The following NFIA variants were observed in gnomAD, a reference collection of about 807,000 sequenced individuals.
NFIA encodes the protein nuclear factor I A.
NFIA carries 8 observed loss-of-function variants against 62.8 expected under a neutral mutation model. The observed-to-expected ratio is 0.13, with a 90% CI of 0.07 to 0.23. NFIA has a LOEUF of 0.23. Ranked by LOEUF, NFIA falls within the 10% of genes least tolerant of loss-of-function variation. The pLI is 1.00. For missense variants in NFIA, 410 were observed against 642.1 expected (o/e 0.64, Z 3.91); for synonymous variants, 235 against 238.1 (o/e 0.99, Z 0.12).
intron 5 of NFIA, among the ~76,000 whole-genome samples, chr1:61,355,213 G>A (rs767305856): frequency 1.2e-4 from 18 of 152,168 alleles, no homozygotes; most frequent in African/African-American, 2.6e-4. Context: ...CATCCTTTTC[G>A]TGTAGATCTT....
intron 2 of NFIA, among the ~76,000 whole-genome samples, chr1:61,227,409 G>T (rs111338866): frequency 1.3e-5 from 2 of 152,152 alleles, no homozygotes; most frequent in Non-Finnish European, 2.9e-5. Context: ...GAACAGGCAC[G>T]ATTTGATGAT....
intron 2 of NFIA, among the ~76,000 whole-genome samples, chr1:61,111,444 A>G (rs188712665): frequency 2.6e-5 from 4 of 152,264 alleles, no homozygotes; most frequent in East Asian, 1.9e-4. Flanking sequence ...ATACTTTGCT[A>G]TTTACAGTAA....
chr1:61,317,465 A>AAT (rs1016398644), intron 3 of NFIA, among the ~76,000 whole-genome samples: 5 of 152,060 alleles, frequency 3.3e-5, no homozygotes, highest in Non-Finnish European at 5.9e-5. Context: ...TAAACACACA[A>AAT]ATATATATAC....
At chr1:61,360,895 C>T (rs1663252783) in intron 6 of NFIA, among the ~76,000 whole-genome samples, 1 of 152,210 alleles carries the variant, frequency 6.6e-6, no homozygotes, top group South Asian at 2.1e-4. Context: ...GCAAAAATGT[C>T]TCTTTGCTTT....
At chr1:61,140,965 GTTTTTTTTTTTT>G (rs35173386) in intron 2 of NFIA, among the ~76,000 whole-genome samples, 2 of 88,600 alleles carry the variant, frequency 2.3e-5, no homozygotes, top group Admixed American at 3.1e-4. Flanking sequence ...CCACAGCTGG[GTTTTTTTTTTTT>G]TTTTTTTTTT....
chr1:61,417,682 T>C (rs1296830685), intron 9 of NFIA, among the ~76,000 whole-genome samples: 1 of 152,192 alleles, frequency 6.6e-6, no homozygotes, highest in African/African-American at 2.4e-5. Context: ...GTTATCTTTT[T>C]TAATTGTTGG....
intron 6 of NFIA, among the ~76,000 whole-genome samples, chr1:61,374,713 C>T (rs1007241010): frequency 6.6e-6 from 1 of 152,158 alleles, no homozygotes; most frequent in Non-Finnish European, 1.5e-5. Context: ...ATTACCTGAA[C>T]TTCTTTATGA....
intron 2 of NFIA, among the ~76,000 whole-genome samples, chr1:61,089,744 C>T (rs1309417008): frequency 7.2e-6 from 1 of 138,286 alleles, no homozygotes; most frequent in Non-Finnish European, 1.5e-5. Flanking sequence ...TGTAAAAACA[C>T]TGCACTTTTC....
intron 3 of NFIA, among the ~76,000 whole-genome samples, chr1:61,321,372 G>A (rs530767549): frequency 1.0e-3 from 159 of 151,726 alleles, no homozygotes; most frequent in East Asian, 1.5e-3. Flanking sequence ...TAAATGTTTC[G>A]GGGAAATGGG....
rs1400879356 is a variant in NFIA at position 61,088,925 on chromosome 1, A to G, written c.559+245A>G. On this transcript the variant is annotated intron_variant, in intron 2 of 10. Coordinates refer to ENST00000403491, the MANE Select transcript of NFIA (RefSeq NM_001134673.4). The surrounding 1 kb of genome is among the most constrained non-coding windows in gnomAD (Gnocchi z 4.5). ...TTTTCAGAGGCGTTGGTAATCAGATATGTGATATGTTTAAATCACATTTTT... is the reference window on the plus strand; with the variant it reads ...TTTTCAGAGGCGTTGGTAATCAGATGTGTGATATGTTTAAATCACATTTTT... 6.6e-6 allele frequency among the ~76,000 whole-genome samples: 1 copy of G among 152,236 alleles called. No homozygotes were observed. Among genetic ancestry groups the G allele is most frequent in the Non-Finnish European group, 1.5e-5 (1 of 68,048 alleles).
At chr1:61,154,186 G>A (rs1296861537) in intron 2 of NFIA, among the ~76,000 whole-genome samples, 2 of 151,992 alleles carry the variant, frequency 1.3e-5, no homozygotes, top group Non-Finnish European at 1.5e-5. Flanking sequence ...GTCTCACACC[G>A]TCTCCCAGGC....
intron 2 of NFIA, among the ~76,000 whole-genome samples, chr1:61,094,268 G>A (rs1407781048): frequency 6.6e-6 from 1 of 151,964 alleles, no homozygotes; most frequent in Non-Finnish European, 1.5e-5. Context: ...GGAAGAGAAT[G>A]AATGAACTCG....
chr1:61,259,814 A>G (rs1190805145), intron 2 of NFIA, among the ~76,000 whole-genome samples: 1 of 152,226 alleles, frequency 6.6e-6, no homozygotes, highest in Non-Finnish European at 1.5e-5. Flanking sequence ...GCATTGGATG[A>G]AGTGTTACAA....
chr1:61,082,679 T>TCC lies in NFIA; in HGVS notation c.-112_-111insCC, dbSNP rs1646132170. On this transcript the variant is annotated 5_prime_UTR_variant, in exon 1 of 11. Coordinates refer to ENST00000403491, the MANE Select transcript of NFIA (RefSeq NM_001134673.4). ...ATTTTTTTTTCTCCCCCCTTCTCTC[T>TCC]CTCTCTCTCTCTCTCTCTTCCTCTC... 7 of 1,520,378 alleles carry TCC rather than the reference T, an allele frequency of 4.6e-6. No homozygotes were observed. In the East Asian group the frequency reaches 1.0e-4, roughly 22 times the overall value. 94.2% of individuals were successfully genotyped at this position (1,520,378 alleles called of 1,614,324 possible).
intron 7 of NFIA, among the ~76,000 whole-genome samples, chr1:61,397,828 A>G (rs1665356663): frequency 6.6e-6 from 1 of 152,216 alleles, no homozygotes; most frequent in East Asian, 1.9e-4. Context: ...TTAACTTAGA[A>G]TTATATACGC....
chr1:61,267,980 G>A (rs981296705), intron 2 of NFIA, among the ~76,000 whole-genome samples: 3 of 152,164 alleles, frequency 2.0e-5, no homozygotes, highest in African/African-American at 7.2e-5. Context: ...AACCTGTGTT[G>A]TTTCAGAGGA....
chr1:61,406,542 T>TGGGGGGGGC lies in NFIA; in HGVS notation c.1255-19_1255-18insGGGGGGGCG. The TGGGGGGGGC allele has an allele frequency of 8.0e-7, 1 of 1,253,826 alleles. No homozygotes were observed. Among genetic ancestry groups the TGGGGGGGGC allele is most frequent in the Non-Finnish European group, 1.1e-6 (1 of 931,740 alleles). 77.7% of individuals were successfully genotyped at this position (1,253,826 alleles called of 1,614,324 possible). A position where few individuals can be genotyped will look rare whatever the true frequency, so the allele number is the denominator to read the frequency against. Reference sequence around the variant, plus strand: ...TTCTTTTTCTTGTACGTGTGTTTTCTGCCCCCCCCCCCCCCACAGCCCAAT... The same window carrying TGGGGGGGGC: ...TTCTTTTTCTTGTACGTGTGTTTTCTGGGGGGGGCGCCCCCCCCCCCCCCACAGCCCAAT... On this transcript the variant is annotated intron_variant, in intron 8 of 10. Transcript: ENST00000403491.
intron 2 of NFIA, among the ~76,000 whole-genome samples, chr1:61,241,119 G>A (rs17377274): frequency 0.045 from 6,873 of 152,058 alleles, 225 homozygotes; most frequent in Non-Finnish European, 0.064. Flanking sequence ...TATTGTGATC[G>A]TTTTCTAGAA....
At chr1:61,089,565 C>T (rs1482002712) in intron 2 of NFIA, among the ~76,000 whole-genome samples, 1 of 151,764 alleles carries the variant, frequency 6.6e-6, no homozygotes, top group Non-Finnish European at 1.5e-5. Context: ...AACTTGTTGA[C>T]TTTATATATG....
Sources: allele counts gnomAD v4.1 joint callset (sites outside exome capture counted in the v4.1 genomes callset), GRCh38; gene constraint gnomAD v4.1.1; non-coding constraint Gnocchi (gnomAD v3.1); transcripts MANE v1.5; gene names NCBI Gene and HGNC (gene_info 2026-07-23, HGNC 2026-07-21).